The following ABCA1 variants were observed in gnomAD, a reference collection of about 807,000 sequenced individuals.
ABCA1 encodes the protein phospholipid-transporting ATPase ABCA1.
A neutral mutation model predicts 262.5 loss-of-function variants in ABCA1; 133 were observed. The ratio of observed to expected loss-of-function variants is 0.51; its 90% CI spans 0.44 to 0.59. The LOEUF is 0.59. ABCA1 is among the 20% of genes least tolerant of loss of function. The pLI, the probability that ABCA1 is intolerant of heterozygous loss-of-function variation, is 0.00. For synonymous variants in ABCA1, 1,022 were observed against 1,043.5 expected (o/e 0.98, Z 0.40); for missense variants, 2,452 against 2,777.5 (o/e 0.88, Z 2.63).
chr9:104,891,760 G>T (rs1039787719), intron 2 of ABCA1, among the ~76,000 whole-genome samples: 22 of 151,356 alleles, frequency 1.5e-4, no homozygotes, highest in African/African-American at 4.9e-4. Flanking sequence ...GAGGTCAGGA[G>T]TTTGAGACCA....
At position 104,796,442 on chromosome 9, in the gene ABCA1, G is replaced by A. The variant is rs1482586186; in HGVS notation, c.5122-18C>T. The A allele has an allele frequency of 1.3e-6, 2 of 1,593,824 alleles. No individual in the cohort carries two copies. Among genetic ancestry groups the A allele is most frequent in the African/African-American group, 2.7e-5 (2 of 74,538 alleles). On this transcript the variant is annotated intron_variant, in intron 37 of 49. Coordinates refer to ENST00000374736, the MANE Select transcript of ABCA1 (RefSeq NM_005502.4). ...TAATTGCACTAAAAGTGAAAACAAA[G>A]ACATCCAGTTCACCCCTAAATCAAA...
At chr9:104,847,166 GTAGT>G (rs1834964215) in intron 7 of ABCA1, among the ~76,000 whole-genome samples, 1 of 152,100 alleles carries the variant, frequency 6.6e-6, no homozygotes, top group Admixed American at 6.6e-5. Context: ...TAAAAACGTG[GTAGT>G]TAATCCACTT....
At chr9:104,910,168 A>G (rs997338218) in intron 1 of ABCA1, among the ~76,000 whole-genome samples, 19 of 152,194 alleles carry the variant, frequency 1.2e-4, no homozygotes, top group Non-Finnish European at 2.2e-4. Context: ...ACAAGTGTCA[A>G]CATCTCACTG....
intron 1 of ABCA1, among the ~76,000 whole-genome samples, chr9:104,905,283 C>T (rs891423941): frequency 6.6e-6 from 1 of 152,134 alleles, no homozygotes; most frequent in Non-Finnish European, 1.5e-5. Flanking sequence ...ATCTGTGAGT[C>T]CAAATGAGAT....
At chr9:104,862,647 G>C (rs182548880) in intron 5 of ABCA1, among the ~76,000 whole-genome samples, 350 of 2,008 alleles carry the variant, frequency 0.17, 38 homozygotes, top group East Asian at 0.37. Flanking sequence ...GCCGGGCCGG[G>C]CCGGGCCGGG....
At chr9:104,819,560 A>G (rs759984527) in intron 22 of ABCA1, 26 bp downstream of exon 22, 1 of 1,613,814 alleles carries the variant, frequency 6.2e-7, no homozygotes, top group South Asian at 1.1e-5. Context: ...CAGTCCATTT[A>G]CTCAGAATAA....
intron 9 of ABCA1, among the ~76,000 whole-genome samples, chr9:104,838,511 G>A (rs1834038213): frequency 1.3e-5 from 2 of 148,614 alleles, no homozygotes; most frequent in Non-Finnish European, 3.0e-5. Flanking sequence ...CAGCTACTCA[G>A]GAGGCTGAGG....
intron 8 of ABCA1, 144 bp from the exon 9 acceptor site, chr9:104,840,663 A>C: frequency 1.8e-4 from 161 of 907,580 alleles, no homozygotes; most frequent in East Asian, 5.9e-4. Flanking sequence ...GTCTGATGTC[A>C]TCTCAAAGCC....
intron 1 of ABCA1, among the ~76,000 whole-genome samples, chr9:104,907,308 A>C (rs936816962): frequency 2.0e-5 from 3 of 152,108 alleles, no homozygotes; most frequent in Non-Finnish European, 4.4e-5. Flanking sequence ...CTTTCCTGAT[A>C]TCCTCCCCTG....
At chr9:104,848,007 A>G (rs1225127060) in intron 7 of ABCA1, among the ~76,000 whole-genome samples, 1 of 152,168 alleles carries the variant, frequency 6.6e-6, no homozygotes, top group East Asian at 1.9e-4. Flanking sequence ...GGAAAACTCA[A>G]TCCCTATGGT....
At chr9:104,787,054 C>T (rs56104865) in intron 46 of ABCA1, 78 bp from the exon 47 acceptor site, 249 of 1,293,198 alleles carry the variant, frequency 1.9e-4, no homozygotes, top group Middle Eastern at 5.6e-4. Flanking sequence ...AATGCAGAAG[C>T]ATCTTTGAAA....
At chr9:104,811,075 C>A in intron 28 of ABCA1, 151 bp from the exon 29 acceptor site, 1 of 1,199,714 alleles carries the variant, frequency 8.3e-7, no homozygotes, top group Admixed American at 2.1e-5. Flanking sequence ...TGTGCTGCAC[C>A]AAGGCATTCT....
At chr9:104,784,569 C>G (rs548552365) in intron 49 of ABCA1, 114 bp from the exon 50 acceptor site, 1 of 1,242,300 alleles carries the variant, frequency 8.0e-7, no homozygotes, top group East Asian at 2.4e-5. Flanking sequence ...TACAGAATTA[C>G]ATAAATGGAT....
intron 37 of ABCA1, among the ~76,000 whole-genome samples, chr9:104,798,001 G>A (rs1830043434): frequency 3.9e-5 from 6 of 152,178 alleles, no homozygotes; most frequent in Admixed American, 3.9e-4. Context: ...TGCAATGGAT[G>A]GATAAGCTGC....
chr9:104,925,636 T>G (rs1588608625), intron 1 of ABCA1, among the ~76,000 whole-genome samples: 1 of 152,212 alleles, frequency 6.6e-6, no homozygotes, highest in Non-Finnish European at 1.5e-5. Context: ...GTCCTTCTGA[T>G]TGTAAACCAA....
intron 1 of ABCA1, among the ~76,000 whole-genome samples, chr9:104,920,592 A>T (rs1400710872): frequency 6.6e-6 from 1 of 152,116 alleles, no homozygotes; most frequent in Non-Finnish European, 1.5e-5. Context: ...GCTCACTGCA[A>T]TCTCTGCCTC....
At chr9:104,884,656 C>T (rs536700461) in intron 3 of ABCA1, 88 bp from the exon 4 acceptor site, 1 of 1,464,488 alleles carries the variant, frequency 6.8e-7, no homozygotes, top group Non-Finnish European at 9.5e-7. Context: ...ATGCTTCATG[C>T]CAAGTCTGTC....
intron 2 of ABCA1, chr9:104,889,416 C>T: frequency 1.0e-6 from 1 of 975,476 alleles, no homozygotes; most frequent in Non-Finnish European, 1.2e-6. Context: ...AGGGAAGATG[C>T]TTCCTATCGT....
At chr9:104,904,298 G>A (rs1235972793) in intron 1 of ABCA1, among the ~76,000 whole-genome samples, 2 of 152,084 alleles carry the variant, frequency 1.3e-5, no homozygotes, top group Admixed American at 6.6e-5. Flanking sequence ...GGCCAGGCGT[G>A]GTGGCTCAAG....
Sources: gnomAD v4.1 joint callset for allele counts (sites outside exome capture counted in the v4.1 genomes callset) on GRCh38, gnomAD v4.1.1 for gene constraint, MANE v1.5 for transcripts, NCBI Gene and HGNC (gene_info 2026-07-23, HGNC 2026-07-21) for gene names.